The following ZDHHC21 variants were observed in gnomAD, a reference collection of about 807,000 sequenced individuals.
ZDHHC21 encodes the protein zDHHC palmitoyltransferase 21, also known as palmitoyltransferase ZDHHC21.
In ZDHHC21, 15 loss-of-function variants were observed where a neutral mutation model predicts 34.6. The ratio of observed to expected loss-of-function variants is 0.43; its 90% CI spans 0.29 to 0.67. The LOEUF (loss-of-function observed/expected upper bound fraction) is 0.67, where lower values mean the gene tolerates loss of function less well. Among genes scored for constraint, ZDHHC21 ranks in the 30% least tolerant of loss-of-function variants. The pLI is 0.14. For missense variants in ZDHHC21, 344 were observed against 327.7 expected (o/e 1.05, Z -0.38); for synonymous variants, 142 against 101.8 (o/e 1.40, Z -2.38).
At chr9:14,654,711 C>T (rs1831874665) in intron 7 of ZDHHC21, among the ~76,000 whole-genome samples, 1 of 151,912 alleles carries the variant, frequency 6.6e-6, no homozygotes, top group Admixed American at 6.6e-5. Flanking sequence ...AATATAATAA[C>T]TGAATTAAGA....
At chr9:14,663,715 T>G (rs537595100) in intron 5 of ZDHHC21, among the ~76,000 whole-genome samples, 6 of 152,208 alleles carry the variant, frequency 3.9e-5, no homozygotes, top group African/African-American at 1.4e-4. Context: ...AAATTAATTG[T>G]TCCAATAATA....
At chr9:14,658,954 G>C in intron 6 of ZDHHC21, 67 bp from the exon 7 acceptor site, 4 of 1,496,940 alleles carry the variant, frequency 2.7e-6, no homozygotes, top group Non-Finnish European at 3.6e-6. Context: ...GGATCAATAA[G>C]ACTAAATTAA....
downstream of ZDHHC21, among the ~76,000 whole-genome samples, chr9:14,610,399 T>C (rs1253595296): frequency 6.6e-6 from 1 of 152,022 alleles, no homozygotes; most frequent in Non-Finnish European, 1.5e-5. Flanking sequence ...CAAACCTGCT[T>C]TGACTTACCA....
the ZDHHC21 span, among the ~76,000 whole-genome samples, chr9:14,598,038 G>A: frequency 6.6e-6 from 1 of 152,028 alleles, no homozygotes; most frequent in Non-Finnish European, 1.5e-5. Context: ...ACCACTACTG[G>A]CATTATCAAA....
At position 14,662,333 on chromosome 9, in the gene ZDHHC21, A is replaced by G; in HGVS notation, c.254-7T>C. On this transcript the variant is annotated splice_polypyrimidine_tract_variant and splice_region_variant and intron_variant, in intron 5 of 9. Transcript: ENST00000380916. Reference sequence around the variant, plus strand: ...AATTCCCAGAACTCCCTTTCTAAAGAAAAGAAATTAAAATCCATTTAATGA... The same window carrying G: ...AATTCCCAGAACTCCCTTTCTAAAGGAAAGAAATTAAAATCCATTTAATGA... 6.3e-7 allele frequency: 1 copy of G among 1,592,586 alleles called. No homozygotes were observed. Among genetic ancestry groups the G allele is most frequent in the South Asian group, 1.1e-5 (1 of 87,576 alleles).
chr9:14,693,342 C>A lies in ZDHHC21; in HGVS notation c.-338G>T, dbSNP rs1310957501. The stretch of plus-strand genomic sequence containing the variant: ...TCCGGCGCCGCCGCCCAGGCCGGGC[C>A]GCTCTCCCCTTCCGCTTCCGGGAGC... On this transcript the variant is annotated 5_prime_UTR_variant, in exon 1 of 10. Transcript: ENST00000380916. The A allele has an allele frequency of 2.4e-6, 1 of 411,374 alleles. No homozygotes were observed. The highest frequency in any genetic ancestry group is 1.7e-5 in the South Asian group (1 of 59,982). 25.5% of individuals were successfully genotyped at this position (411,374 alleles called of 1,614,324 possible).
In ZDHHC21 at chr9:14,649,274, T is replaced by C. The variant is rs769717173; in HGVS notation, c.505-9262A>G. 3.9e-5 allele frequency among the ~76,000 whole-genome samples: 6 copies of C among 152,052 alleles called. No individual in the cohort carries two copies. The South Asian group carries it at 1.0e-3, about 26-fold the overall frequency. ...CAGTAAAAATCATAAAATTAAAAAATAAAAATAACAGAAACAGCTTAGATC... is the reference window on the plus strand; with the variant it reads ...CAGTAAAAATCATAAAATTAAAAAACAAAAATAACAGAAACAGCTTAGATC... On this transcript the variant is annotated intron_variant, in intron 7 of 9. Coordinates refer to ENST00000380916, the MANE Select transcript of ZDHHC21 (RefSeq NM_178566.6).
In ZDHHC21 at chr9:14,672,921, A is replaced by G. The variant is rs1221624061; in HGVS notation, c.162T>C (p.Tyr54=). 1 of 1,574,848 alleles carries G rather than the reference A, an allele frequency of 6.3e-7. No individual in the cohort carries two copies. The highest frequency in any genetic ancestry group is 1.7e-5 in the Admixed American group (1 of 58,482). ...CAACCAGACAGAATATGGAAATGCC[A>G]TAGAATACTTTAAAATAAATAAATT... The part of the protein sequence containing the change: ...HIPGILIIIF[Y]GISIFCLVAL... The change falls in exon 5 of 10, where the codon TAT becomes TAC. Residue 54 remains tyrosine, a synonymous_variant. Coordinates refer to ENST00000380916, the MANE Select transcript of ZDHHC21 (RefSeq NM_178566.6).
chr9:14,664,675 C>A (rs918216888), intron 5 of ZDHHC21, among the ~76,000 whole-genome samples: 31 of 151,832 alleles, frequency 2.0e-4, no homozygotes, highest in Non-Finnish European at 4.0e-4. Context: ...GGCAGACTGC[C>A]TCCTCAAGTG....
intron 7 of ZDHHC21, among the ~76,000 whole-genome samples, chr9:14,653,265 C>G (rs1831582410): frequency 1.3e-5 from 2 of 151,776 alleles, no homozygotes; most frequent in South Asian, 4.2e-4. Context: ...GAAAGAAACA[C>G]AGGAAAAGAC....
At chr9:14,603,852 T>C in the ZDHHC21 span, among the ~76,000 whole-genome samples, 4 of 152,218 alleles carry the variant, frequency 2.6e-5, no homozygotes, top group Non-Finnish European at 5.9e-5. Context: ...TATCTCTGGC[T>C]ACCTCATAAG....
the ZDHHC21 span, among the ~76,000 whole-genome samples, chr9:14,590,265 C>T: frequency 6.6e-6 from 1 of 151,790 alleles, no homozygotes; most frequent in Non-Finnish European, 1.5e-5. Flanking sequence ...AGAAAAAAAG[C>T]CTTGGAAAAT....
chr9:14,647,243 T>G (rs890278770), intron 7 of ZDHHC21, among the ~76,000 whole-genome samples: 1 of 152,100 alleles, frequency 6.6e-6, no homozygotes, highest in Non-Finnish European at 1.5e-5. Context: ...ATTTAAAAAT[T>G]TTTAAATGTT....
chr9:14,670,536 T>C (rs1310219476), intron 5 of ZDHHC21, among the ~76,000 whole-genome samples: 1 of 151,948 alleles, frequency 6.6e-6, no homozygotes, highest in Non-Finnish European at 1.5e-5. Flanking sequence ...AGCTGAGGAG[T>C]TGTAATAGAG....
chr9:14,600,686 T>C, the ZDHHC21 span, among the ~76,000 whole-genome samples: 2 of 152,208 alleles, frequency 1.3e-5, no homozygotes, highest in Middle Eastern at 3.4e-3. Flanking sequence ...AGAGCTGGTA[T>C]AGTCAAGAGA....
chr9:14,640,010 G>A lies in ZDHHC21; in HGVS notation c.507C>T (p.Asp169=), dbSNP rs777383799. 5.1e-6 allele frequency: 8 copies of A among 1,579,380 alleles called. No individual in the cohort carries two copies. The East Asian group carries it at 1.1e-4, about 22-fold the overall frequency. ...YFLPLKKRNL[D]LFVFRHELAI... ...CCAATTCATGTCTAAAAACAAAGAG[G>A]TCCTAAAAAGAAAAAGAAAGTCTTA... Residue 169 remains aspartate (D), a splice_region_variant and synonymous_variant, in exon 8 of 10, where the codon GAC becomes GAT. Transcript: ENST00000380916.
In ZDHHC21 at chr9:14,653,512, T is replaced by C. The variant is rs141492196; in HGVS notation, c.504+5237A>G. Among the ~76,000 whole-genome samples, 46 of 152,092 alleles carry C rather than the reference T, an allele frequency of 3.0e-4. 1 individual carries two copies. The East Asian group carries it at 8.5e-3, about 28-fold the overall frequency. On this transcript the variant is annotated intron_variant, in intron 7 of 9. Transcript: ENST00000380916. ...TATACTGCTGGAATTTTACTAAAGATTTGCCCTTAAAACCAATTATTCCAG... is the reference window on the plus strand; with the variant it reads ...TATACTGCTGGAATTTTACTAAAGACTTGCCCTTAAAACCAATTATTCCAG...
chr9:14,639,926 G>A lies in ZDHHC21; in HGVS notation c.591C>T (p.Leu197=). ...TGATGCCAATTAGTTGAGTGTAAAA[G>A]AGTCCAGTTATTCCAACTAACATAG... ...GITMLVGITG[L]FYTQLIGIIT... is the part of the protein sequence containing the mutation. The change falls in exon 8 of 10, where the codon CTC becomes CTT. Residue 197 remains leucine, a synonymous_variant. Coordinates refer to ENST00000380916, the MANE Select transcript of ZDHHC21 (RefSeq NM_178566.6). 1 of 1,605,224 alleles carries A rather than the reference G, an allele frequency of 6.2e-7. No homozygotes were observed. Among genetic ancestry groups the A allele is most frequent in the Non-Finnish European group, 8.5e-7 (1 of 1,174,790 alleles).
chr9:14,668,548 A>G (rs1834902211), intron 5 of ZDHHC21, among the ~76,000 whole-genome samples: 1 of 149,264 alleles, frequency 6.7e-6, no homozygotes, highest in Non-Finnish European at 1.5e-5. Flanking sequence ...TGCCAAGTCA[A>G]TCCTAAGCCA....
Sources: gnomAD v4.1 joint callset for allele counts (sites outside exome capture counted in the v4.1 genomes callset) on GRCh38, gnomAD v4.1.1 for gene constraint, MANE v1.5 for transcripts, NCBI Gene and HGNC (gene_info 2026-07-23, HGNC 2026-07-21) for gene names.